The following EIF2S1 variants were observed in gnomAD, a reference collection of about 807,000 sequenced individuals.
The protein encoded by EIF2S1 is eukaryotic translation initiation factor 2 subunit 1.
Under a neutral mutation model 33.5 loss-of-function variants are expected in EIF2S1, and 5 were observed. The ratio of observed to expected loss-of-function variants is 0.15; its 90% confidence interval spans 0.08 to 0.31. EIF2S1 has a LOEUF of 0.31. EIF2S1 is among the 10% of genes least tolerant of loss of function. EIF2S1 has a pLI of 1.00. For missense variants in EIF2S1, 191 were observed against 384.6 expected, an observed-to-expected ratio of 0.50 and a Z score of 4.21; for synonymous variants, 99 against 127.5, an observed-to-expected ratio of 0.78 and a Z score of 1.51.
Position 67,360,405 on chromosome 14 carries a change from A to G in EIF2S1, c.-53A>G, listed in dbSNP as rs920220721. The G allele has an allele frequency of 2.8e-5, 11 of 394,734 alleles. No individual in the cohort carries two copies. The highest frequency in any genetic ancestry group is 4.0e-5 in the Non-Finnish European group (9 of 224,130). 24.5% of individuals were successfully genotyped at this position (394,734 alleles called of 1,614,324 possible). A position where few individuals can be genotyped will look rare whatever the true frequency, so the allele number is the denominator to read the frequency against. On this transcript the variant is annotated 5_prime_UTR_variant, in exon 1 of 8. An upstream open reading frame in the 5' UTR loses its in-frame stop. Coordinates refer to ENST00000256383, the MANE Select transcript of EIF2S1 (RefSeq NM_004094.5). Reference sequence around the variant, plus strand: ...GGGGGAAGCAAGTCTGGTCTCTGTGATTGAAGAAGTCGGCTCTGGGCTCCA... The same window carrying G: ...GGGGGAAGCAAGTCTGGTCTCTGTGGTTGAAGAAGTCGGCTCTGGGCTCCA...
intron 2 of EIF2S1, among the ~76,000 whole-genome samples, chr14:67,370,423 C>G (rs2085813048): frequency 6.6e-6 from 1 of 152,096 alleles, no homozygotes; most frequent in South Asian, 2.1e-4. Context: ...AAGTTAAAAA[C>G]TTGTTTTTTG....
intron 2 of EIF2S1, among the ~76,000 whole-genome samples, chr14:67,368,847 ACTATCT>A (rs1373582823): frequency 6.6e-6 from 1 of 152,116 alleles, no homozygotes; most frequent in Non-Finnish European, 1.5e-5. Flanking sequence ...ACATAGTGAA[ACTATCT>A]CTAGAAATAA....
chr14:67,383,754 G>C lies in EIF2S1; in HGVS notation c.*314G>C. ...GTCTCCAGATTGGCACCCCTTTCTA[G>C]TTCAATGCCTCACGAGATTTGCCAG... On this transcript the variant is annotated 3_prime_UTR_variant, in exon 8 of 8. Transcript: ENST00000256383. The C allele has an allele frequency of 3.1e-6, 1 of 323,062 alleles. No individual in the cohort carries two copies. Among genetic ancestry groups the C allele is most frequent in the East Asian group, 7.9e-5 (1 of 12,674 alleles). The allele number at this position is 323,062 out of a possible 1,614,324, so 20.0% of individuals were successfully genotyped here. A position where few individuals can be genotyped will look rare whatever the true frequency, so the allele number is the denominator to read the frequency against.
In EIF2S1 at chr14:67,384,380, T is replaced by C. The variant is rs1288113995; in HGVS notation, c.*940T>C. The stretch of plus-strand genomic sequence containing the variant: ...ACACTTACTGTTGTTTTTTTTTTTT[T>C]ACATGTTTCCATCATTTCTGTCTTT... On this transcript the variant is annotated 3_prime_UTR_variant, in exon 8 of 8. Transcript: ENST00000256383. 1 of 151,958 alleles carries C rather than the reference T, an allele frequency of 6.6e-6. No homozygotes were observed. The highest frequency in any genetic ancestry group is 1.5e-5 in the Non-Finnish European group (1 of 67,990). The allele number at this position is 151,958 out of a possible 1,614,324, so 9.4% of individuals were successfully genotyped here. A position where few individuals can be genotyped will look rare whatever the true frequency, so the allele number is the denominator to read the frequency against.
At chr14:67,382,775 A>C in intron 7 of EIF2S1, 185 bp downstream of exon 7, 1 of 609,210 alleles carries the variant, frequency 1.6e-6, no homozygotes, top group Non-Finnish European at 2.8e-6. Context: ...AACAATATAA[A>C]TGAGAAGTTT....
Position 67,360,358 on chromosome 14 carries a change from G to A in EIF2S1, c.-100G>A. ...CGGTGGAGTGAGCGAAGCGCACGCT[G>A]AGGAGGATCGGCGGCCGGTGAGGGG... On this transcript the variant is annotated 5_prime_UTR_variant, in exon 1 of 8. Coordinates refer to ENST00000256383, the MANE Select transcript of EIF2S1 (RefSeq NM_004094.5). The A allele has an allele frequency of 5.0e-6, 2 of 397,338 alleles. No homozygotes were observed. Among genetic ancestry groups the A allele is most frequent in the Non-Finnish European group, 8.9e-6 (2 of 225,572 alleles). 24.6% of individuals were successfully genotyped at this position (397,338 alleles called of 1,614,324 possible).
chr14:67,370,794 G>A (rs60806120), intron 2 of EIF2S1, among the ~76,000 whole-genome samples: 9,731 of 152,224 alleles, frequency 0.064, 590 homozygotes, highest in African/African-American at 0.16. Context: ...GGGAGGTTGA[G>A]GTGGGCAGAT....
At chr14:67,374,321 A>G (rs77608928) in intron 2 of EIF2S1, 147 bp from the exon 3 acceptor site, 9,873 of 454,016 alleles carry the variant, frequency 0.022, 157 homozygotes, top group Non-Finnish European at 0.028. Context: ...CAGCCTTGTA[A>G]TACTTATGCA....
chr14:67,362,760 T>A (rs1239698483), intron 1 of EIF2S1, among the ~76,000 whole-genome samples: 15 of 152,082 alleles, frequency 9.9e-5, no homozygotes, highest in Admixed American at 9.8e-4. Context: ...AAAAAAAAAA[T>A]TTAAGTTATT....
At position 67,376,558 on chromosome 14, in the gene EIF2S1, T is replaced by C; in HGVS notation, c.441T>C (p.Tyr147=). Residue 147 remains tyrosine, a synonymous_variant, in exon 4 of 8, where the codon TAT becomes TAC. Coordinates refer to ENST00000256383, the MANE Select transcript of EIF2S1 (RefSeq NM_004094.5). The part of the protein sequence containing the change: ...VFDDKYKRPG[Y]GAYDAFKHAV... Reference sequence around the variant, plus strand: ...ATGACAAGTACAAGAGACCTGGATATGGTGCCTATGATGCATTTAAGCATG... The same window carrying C: ...ATGACAAGTACAAGAGACCTGGATACGGTGCCTATGATGCATTTAAGCATG... 4 of 1,614,074 alleles carry C rather than the reference T, an allele frequency of 2.5e-6. No individual in the cohort carries two copies. The highest frequency in any genetic ancestry group is 3.4e-6 in the Non-Finnish European group (4 of 1,179,978).
chr14:67,370,157 G>A (rs1307544746), intron 2 of EIF2S1, among the ~76,000 whole-genome samples: 1 of 152,254 alleles, frequency 6.6e-6, no homozygotes, highest in Non-Finnish European at 1.5e-5. Flanking sequence ...ATGCCTTTAA[G>A]CAGTTTTCTG....
chr14:67,380,590 A>G (rs1021791156), intron 4 of EIF2S1, 69 bp from the exon 5 acceptor site: 9 of 777,562 alleles, frequency 1.2e-5, no homozygotes, highest in Non-Finnish European at 1.8e-5. Context: ...ATTGTTCCAT[A>G]GTGTTTGGTT....
At chr14:67,365,699 T>A (rs1465804253) in intron 2 of EIF2S1, among the ~76,000 whole-genome samples, 1 of 152,188 alleles carries the variant, frequency 6.6e-6, no homozygotes, top group Non-Finnish European at 1.5e-5. Context: ...CTTACTATAA[T>A]TTGTTAGGTG....
intron 3 of EIF2S1, among the ~76,000 whole-genome samples, chr14:67,375,529 CAA>C (rs34486911): frequency 3.8e-5 from 5 of 131,198 alleles, no homozygotes. Flanking sequence ...GATAAAATAT[CAA>C]AAAAAAAAAA....
chr14:67,380,628 C>G, intron 4 of EIF2S1, 31 bp from the exon 5 acceptor site: 1 of 1,264,566 alleles, frequency 7.9e-7, no homozygotes, highest in Non-Finnish European at 1.1e-6. Flanking sequence ...ATAACCTTGA[C>G]CTTTTGTTAT....
chr14:67,377,179 T>G (rs2085861416), intron 4 of EIF2S1, among the ~76,000 whole-genome samples: 2 of 152,238 alleles, frequency 1.3e-5, no homozygotes, highest in Admixed American at 1.3e-4. Context: ...TGATACATCA[T>G]TTTAACGACT....
At position 67,385,989 on chromosome 14, in the gene EIF2S1, A is replaced by G. The variant is rs1352271028; in HGVS notation, c.*2549A>G. On this transcript the variant is annotated 3_prime_UTR_variant, in exon 8 of 8. Coordinates refer to ENST00000256383, the MANE Select transcript of EIF2S1 (RefSeq NM_004094.5). ...ATACAAATGCCAGTACCTTGCCGAG[A>G]CTTGTTCACTGATTTGCCCCAACCC... 1 of 152,132 alleles carries G rather than the reference A, an allele frequency of 6.6e-6. No individual in the cohort carries two copies. Among genetic ancestry groups the G allele is most frequent in the African/African-American group, 2.4e-5 (1 of 41,414 alleles). The allele number at this position is 152,132 out of a possible 1,614,324, so 9.4% of individuals were successfully genotyped here.
At position 67,386,123 on chromosome 14, in the gene EIF2S1, A is replaced by G. The variant is rs1425338421; in HGVS notation, c.*2683A>G. The G allele has an allele frequency of 6.6e-6, 1 of 152,632 alleles. No homozygotes were observed. Among genetic ancestry groups the G allele is most frequent in the African/African-American group, 2.4e-5 (1 of 41,464 alleles). 9.5% of individuals were successfully genotyped at this position (152,632 alleles called of 1,614,324 possible). On this transcript the variant is annotated 3_prime_UTR_variant, in exon 8 of 8. Transcript: ENST00000256383. ...GGCAGGAAGCCATCAAACTAAACGT[A>G]GTTTAATTCAGATGAACACCTATCG...
intron 2 of EIF2S1, among the ~76,000 whole-genome samples, chr14:67,370,681 G>A (rs1412578600): frequency 6.6e-6 from 1 of 152,150 alleles, no homozygotes; most frequent in African/African-American, 2.4e-5. Flanking sequence ...AATTTTGAGT[G>A]TCCTATATGT....
Sources: allele counts gnomAD v4.1 joint callset (sites outside exome capture counted in the v4.1 genomes callset), GRCh38; gene constraint gnomAD v4.1.1; transcripts MANE v1.5; gene names NCBI Gene and HGNC (gene_info 2026-07-23, HGNC 2026-07-21).